RIMS1: variants seen among roughly 807,000 people sequenced by gnomAD.
RIMS1 encodes regulating synaptic membrane exocytosis protein 1.
A neutral mutation model predicts 214.1 loss-of-function variants in RIMS1; 83 were observed. The observed-to-expected ratio is 0.39, with a 90% CI of 0.32 to 0.47. The LOEUF (loss-of-function observed/expected upper bound fraction) is 0.47, where lower values mean the gene tolerates loss of function less well. RIMS1 is among the 20% of genes least tolerant of loss of function. The probability of loss-of-function intolerance (pLI) is 0.99; values close to 1 mark genes in which losing one functional copy is unlikely to be tolerated. For missense variants in RIMS1, 2,050 were observed against 2,161.8 expected, an observed-to-expected ratio of 0.95 and a Z score of 1.03; for synonymous variants, 793 against 786.8, an observed-to-expected ratio of 1.01 and a Z score of -0.13.
At chr6:72,100,178 G>A (rs1018200935) in intron 4 of RIMS1, among the ~76,000 whole-genome samples, 192 bp downstream of exon 4, 5 of 151,982 alleles carry the variant, frequency 3.3e-5, no homozygotes, top group Admixed American at 6.6e-5. Flanking sequence ...AATAGATAAA[G>A]TCTGGATAGT....
At chr6:72,115,965 T>G (rs2036997695) in intron 4 of RIMS1, among the ~76,000 whole-genome samples, 1 of 151,938 alleles carries the variant, frequency 6.6e-6, no homozygotes, top group Non-Finnish European at 1.5e-5. Flanking sequence ...CTAGCAGAAA[T>G]AATTCTTACT....
chr6:72,215,184 G>A (rs1446526884), intron 6 of RIMS1, among the ~76,000 whole-genome samples: 1 of 152,142 alleles, frequency 6.6e-6, no homozygotes, highest in Non-Finnish European at 1.5e-5. Context: ...CATGCCATCT[G>A]TATGTCTTCT....
intron 4 of RIMS1, among the ~76,000 whole-genome samples, chr6:72,107,426 T>A (rs2034988096): frequency 6.6e-6 from 1 of 152,236 alleles, no homozygotes; most frequent in Non-Finnish European, 1.5e-5. Context: ...CCAGGCGTGG[T>A]GGCAGGTGCC....
In RIMS1 at chr6:72,333,687, C is replaced by T. The variant is rs773008896; in HGVS notation, c.4218C>T (p.Tyr1406=). 25 of 1,594,292 alleles carry T rather than the reference C, an allele frequency of 1.6e-5. No individual in the cohort carries two copies. The highest frequency in any genetic ancestry group is 9.1e-5 in the South Asian group (8 of 87,712). Residue 1406 remains tyrosine (Y), a synonymous_variant, in exon 29 of 34, where the codon TAC becomes TAT. Transcript: ENST00000521978. ...MKSTSVSGEM[Y]TLEHNDGSQS... ...GCACCAGTGTCAGTGGAGAGATGTA[C>T]ACACTGGAGCATAATGACGGCAGCC...
chr6:72,012,855 TA>T (rs1289762696), intron 2 of RIMS1, among the ~76,000 whole-genome samples: 1 of 152,190 alleles, frequency 6.6e-6, no homozygotes, highest in Non-Finnish European at 1.5e-5. Context: ...GCTCAGGCAG[TA>T]AATTAGAGGT....
At chr6:72,399,722 A>C (rs1042640323) in intron 33 of RIMS1, among the ~76,000 whole-genome samples, 7 of 152,208 alleles carry the variant, frequency 4.6e-5, no homozygotes, top group African/African-American at 1.7e-4. Context: ...AAAATTACTC[A>C]GTAAATTTTA....
chr6:72,237,245 G>A (rs2064565228), intron 8 of RIMS1, among the ~76,000 whole-genome samples: 1 of 151,326 alleles, frequency 6.6e-6, no homozygotes. Context: ...AAAAAGGAAG[G>A]AAGGAAGGGA....
chr6:72,085,805 C>T (rs905462012), intron 2 of RIMS1, among the ~76,000 whole-genome samples: 9 of 152,066 alleles, frequency 5.9e-5, no homozygotes, highest in African/African-American at 2.2e-4. Context: ...AAGGAAACAC[C>T]TCTTACAAAG....
At chr6:72,307,117 TTTTG>T (rs1439673992) in intron 26 of RIMS1, 137 bp from the exon 27 acceptor site, 17 of 612,260 alleles carry the variant, frequency 2.8e-5, no homozygotes, top group African/African-American at 2.4e-4. Flanking sequence ...TATTCTGCAT[TTTTG>T]TTTAATTTAT....
intron 4 of RIMS1, among the ~76,000 whole-genome samples, chr6:72,124,448 G>T (rs1328245845): frequency 6.6e-6 from 1 of 151,686 alleles, no homozygotes; most frequent in African/African-American, 2.4e-5. Flanking sequence ...ACAATTATGT[G>T]TGTGTCTTGG....
intron 29 of RIMS1, among the ~76,000 whole-genome samples, chr6:72,347,314 C>T (rs1419525144): frequency 6.6e-6 from 1 of 151,830 alleles, no homozygotes; most frequent in East Asian, 1.9e-4. Flanking sequence ...GTATGTAGCA[C>T]AAAGCCTGTA....
At chr6:72,178,487 A>G (rs2048012477) in intron 4 of RIMS1, among the ~76,000 whole-genome samples, 1 of 152,212 alleles carries the variant, frequency 6.6e-6, no homozygotes, top group Non-Finnish European at 1.5e-5. Flanking sequence ...ATTTTTGAGT[A>G]CATGTTGATT....
chr6:72,007,722 C>T (rs553056448), intron 2 of RIMS1, among the ~76,000 whole-genome samples: 18 of 152,170 alleles, frequency 1.2e-4, no homozygotes, highest in East Asian at 3.9e-4. Flanking sequence ...GAAAAGGTAT[C>T]GGTGATGGAA....
chr6:72,125,874 T>C lies in RIMS1; in HGVS notation c.471+25888T>C, dbSNP rs1587652785. 2.0e-5 allele frequency among the ~76,000 whole-genome samples: 3 copies of C among 152,104 alleles called. No individual in the cohort carries two copies. The East Asian group carries it at 5.8e-4, about 29-fold the overall frequency. On this transcript the variant is annotated intron_variant, in intron 4 of 33. Transcript: ENST00000521978. ...CAGTATTAGGGAGGGAGAGTCCCGA[T>C]TTTCCAGGTACCATCTGTCACGGCT...
At chr6:71,985,135 A>G (rs1313037892) in intron 2 of RIMS1, among the ~76,000 whole-genome samples, 1 of 152,098 alleles carries the variant, frequency 6.6e-6, no homozygotes, top group Admixed American at 6.6e-5. Context: ...CGTAATCCCA[A>G]CTCTTTGGGA....
chr6:72,255,883 A>T (rs2075603348), intron 16 of RIMS1, among the ~76,000 whole-genome samples: 2 of 152,068 alleles, frequency 1.3e-5, no homozygotes, highest in South Asian at 2.1e-4. Flanking sequence ...TAAAAGTACA[A>T]AAATTAGCTG....
chr6:72,368,455 A>AT (rs34921549), intron 29 of RIMS1, among the ~76,000 whole-genome samples: 58,038 of 146,558 alleles, frequency 0.4, 11,884 homozygotes, highest in Middle Eastern at 0.48. Flanking sequence ...CGCCCAGATA[A>AT]TTTTTTTTTT....
At chr6:72,281,333 A>G (rs1459169034) in intron 23 of RIMS1, among the ~76,000 whole-genome samples, 1 of 152,158 alleles carries the variant, frequency 6.6e-6, no homozygotes, top group African/African-American at 2.4e-5. Context: ...TAAATGTTAT[A>G]TATTATTAAT....
At chr6:72,020,413 A>T (rs1180493156) in intron 2 of RIMS1, among the ~76,000 whole-genome samples, 1 of 152,178 alleles carries the variant, frequency 6.6e-6, no homozygotes, top group Non-Finnish European at 1.5e-5. Context: ...TTGGAAAGCC[A>T]TGTTCTAAAC....
Sources: allele counts gnomAD v4.1 joint callset (sites outside exome capture counted in the v4.1 genomes callset), GRCh38; gene constraint gnomAD v4.1.1; transcripts MANE v1.5; gene names NCBI Gene and HGNC (gene_info 2026-07-23, HGNC 2026-07-21).